The following CYRIB variants were observed in gnomAD, a reference collection of about 807,000 sequenced individuals.
The protein encoded by CYRIB is CYFIP-related Rac1 interactor B.
A neutral mutation model predicts 44.2 loss-of-function variants in CYRIB; 8 were observed. That is an observed-to-expected ratio of 0.18 (90% CI 0.11 to 0.33). The LOEUF (loss-of-function observed/expected upper bound fraction) is 0.33, where lower values mean the gene tolerates loss of function less well. Among genes scored for constraint, CYRIB ranks in the 10% least tolerant of loss-of-function variants. The probability of loss-of-function intolerance (pLI) is 1.00; values close to 1 mark genes in which losing one functional copy is unlikely to be tolerated. For missense variants in CYRIB, 185 were observed against 382.8 expected (o/e 0.48, Z 4.31); for synonymous variants, 131 against 127.2 (o/e 1.03, Z -0.20).
At chr8:129,970,446 G>C (rs967396318) in intron 2 of CYRIB, 1 of 149,088 alleles carries the variant, frequency 6.7e-6, no homozygotes, top group Admixed American at 6.7e-5. Context: ...TTGAGACGGA[G>C]TCTTGCTCTG....
intron 4 of CYRIB, among the ~76,000 whole-genome samples, 158 bp from the exon 7 acceptor site, chr8:129,862,492 A>G (rs1297486805): frequency 6.6e-6 from 1 of 151,434 alleles, no homozygotes; most frequent in Non-Finnish European, 1.5e-5. Flanking sequence ...TTTTTTTGAG[A>G]GAGCGTCTCA....
chr8:129,903,919 C>T (rs952857418), intron 1 of CYRIB, among the ~76,000 whole-genome samples: 3 of 152,118 alleles, frequency 2.0e-5, no homozygotes, highest in Non-Finnish European at 4.4e-5. Flanking sequence ...TTCACTCATT[C>T]ATTCATTCAT....
chr8:130,012,435 G>C (rs1401235575), intron 1 of CYRIB, among the ~76,000 whole-genome samples: 1 of 152,230 alleles, frequency 6.6e-6, no homozygotes, highest in Non-Finnish European at 1.5e-5. Context: ...TCTGTCAGGG[G>C]AGGGTAAGAC....
intron 2 of CYRIB, among the ~76,000 whole-genome samples, chr8:129,895,310 A>C (rs1405648775): frequency 2.6e-5 from 4 of 151,576 alleles, no homozygotes; most frequent in Non-Finnish European, 5.9e-5. Context: ...TGGCAGCTTT[A>C]GAAATTCTGG....
intron 2 of CYRIB, among the ~76,000 whole-genome samples, chr8:129,898,670 C>T (rs537180941): frequency 4.4e-4 from 67 of 152,232 alleles, no homozygotes; most frequent in Non-Finnish European, 8.2e-4. Flanking sequence ...CCAGGCTTAT[C>T]ATAACCAAAC....
rs1284158657 is a variant in CYRIB at position 129,854,356 on chromosome 8, G to A, written c.439-13C>T. 1 of 1,588,364 alleles carries A rather than the reference G, an allele frequency of 6.3e-7. No homozygotes were observed. Among genetic ancestry groups the A allele is most frequent in the African/African-American group, 1.4e-5 (1 of 73,494 alleles). On this transcript the variant is annotated splice_polypyrimidine_tract_variant and intron_variant, in intron 6 of 11. Transcript: ENST00000519824. The stretch of plus-strand genomic sequence containing the variant: ...CAGGATTTGTCATCTGAAGAAGACA[G>A]TTGTGGAAAAAAAATGTTATGTACT...
intron 1 of CYRIB, among the ~76,000 whole-genome samples, chr8:129,981,051 C>T (rs2096218660): frequency 6.6e-6 from 1 of 151,912 alleles, no homozygotes; most frequent in Admixed American, 6.6e-5. Context: ...GGGAAGAAGA[C>T]AGAGGAGGAA....
At chr8:129,942,786 GC>G (rs1444009108), upstream of CYRIB, among the ~76,000 whole-genome samples, 1 of 152,074 alleles carries the variant, frequency 6.6e-6, no homozygotes, top group Non-Finnish European at 1.5e-5. Context: ...TTCTTCTTTT[GC>G]TTTTTCACAG....
At chr8:129,967,814 G>C (rs1240375190) in intron 2 of CYRIB, among the ~76,000 whole-genome samples, 1 of 152,152 alleles carries the variant, frequency 6.6e-6, no homozygotes, top group African/African-American at 2.4e-5. Context: ...GGAACCTAAG[G>C]ATTGGAAGAT....
At chr8:129,843,333 G>A (rs886752145) in intron 11 of CYRIB, among the ~76,000 whole-genome samples, 26 of 152,208 alleles carry the variant, frequency 1.7e-4, no homozygotes, top group African/African-American at 6.3e-4. Flanking sequence ...TGCCACTTAA[G>A]TTTTATCATT....
chr8:129,936,819 G>C (rs1425682539), intron 1 of CYRIB, among the ~76,000 whole-genome samples: 3 of 148,308 alleles, frequency 2.0e-5, no homozygotes, highest in Non-Finnish European at 4.4e-5. Flanking sequence ...CCATTCTCCT[G>C]CCTCGGCCTC....
chr8:129,861,333 C>A (rs2049413588), intron 5 of CYRIB, among the ~76,000 whole-genome samples: 1 of 152,210 alleles, frequency 6.6e-6, no homozygotes, highest in Admixed American at 6.5e-5. Context: ...AGACACAATT[C>A]TGACCTTTGA....
At chr8:129,935,206 G>A (rs2092578246) in intron 1 of CYRIB, among the ~76,000 whole-genome samples, 1 of 152,182 alleles carries the variant, frequency 6.6e-6, no homozygotes, top group Non-Finnish European at 1.5e-5. Context: ...TTCTGAAAAT[G>A]CTTGACCTAA....
intron 1 of CYRIB, among the ~76,000 whole-genome samples, chr8:129,927,524 C>G (rs1303976757): frequency 6.6e-6 from 1 of 152,116 alleles, no homozygotes; most frequent in African/African-American, 2.4e-5. Flanking sequence ...AAAAAGTACA[C>G]AAGAACAATG....
intron 2 of CYRIB, among the ~76,000 whole-genome samples, chr8:129,946,400 C>T (rs2094145080): frequency 6.6e-6 from 1 of 152,186 alleles, no homozygotes; most frequent in Non-Finnish European, 1.5e-5. Flanking sequence ...TGAATGAACA[C>T]TGAATCCTTT....
At chr8:129,935,623 G>A (rs910204687) in intron 1 of CYRIB, among the ~76,000 whole-genome samples, 2 of 152,146 alleles carry the variant, frequency 1.3e-5, no homozygotes, top group East Asian at 3.8e-4. Flanking sequence ...AGTAGAAAGG[G>A]TCTGTATCAA....
intron 1 of CYRIB, among the ~76,000 whole-genome samples, chr8:129,916,461 C>A (rs1265959468): frequency 6.6e-6 from 1 of 152,138 alleles, no homozygotes; most frequent in Non-Finnish European, 1.5e-5. Context: ...GATACATTCT[C>A]AAACTGGCAC....
At chr8:130,014,762 G>C (rs1039139344) in intron 1 of CYRIB, among the ~76,000 whole-genome samples, 3 of 152,140 alleles carry the variant, frequency 2.0e-5, no homozygotes, top group African/African-American at 4.8e-5. Context: ...GCCCTTCTCC[G>C]TGCTGTGAGC....
At chr8:129,929,248 G>T (rs933483208) in intron 1 of CYRIB, among the ~76,000 whole-genome samples, 1 of 152,102 alleles carries the variant, frequency 6.6e-6, no homozygotes, top group Admixed American at 6.5e-5. Flanking sequence ...GTGAGGGAGA[G>T]AGTGTGAGAA....
Sources: allele counts gnomAD v4.1 joint callset (sites outside exome capture counted in the v4.1 genomes callset), GRCh38; gene constraint gnomAD v4.1.1; transcripts MANE v1.5; gene names NCBI Gene and HGNC (gene_info 2026-07-23, HGNC 2026-07-21).